CREB5: variants seen among roughly 807,000 people sequenced by gnomAD.
The protein encoded by CREB5 is cyclic AMP-responsive element-binding protein 5.
A neutral mutation model predicts 57.1 loss-of-function variants in CREB5; 19 were observed. That is an observed-to-expected ratio of 0.33 (90% CI 0.23 to 0.49). CREB5 has a LOEUF of 0.49. Ranked by LOEUF, CREB5 falls within the 20% of genes least tolerant of loss-of-function variation. CREB5 has a pLI of 0.99. For missense variants in CREB5, 579 were observed against 671.6 expected, an observed-to-expected ratio of 0.86 and a Z score of 1.52; for synonymous variants, 238 against 238.3, an observed-to-expected ratio of 1.00 and a Z score of 0.01.
intron 1 of CREB5, among the ~76,000 whole-genome samples, chr7:28,457,582 A>T (rs1790158448): frequency 6.6e-6 from 1 of 152,230 alleles, no homozygotes; most frequent in Admixed American, 6.5e-5. Context: ...GACAGTGGAC[A>T]ATTCCAGGGA....
chr7:28,524,361 G>A (rs1417926950), intron 4 of CREB5, among the ~76,000 whole-genome samples: 1 of 103,134 alleles, frequency 9.7e-6, no homozygotes, highest in African/African-American at 3.1e-5. Context: ...ACACACACAC[G>A]GCAGATGTGG....
intron 7 of CREB5, among the ~76,000 whole-genome samples, chr7:28,791,288 C>A (rs554658195): frequency 1.3e-4 from 20 of 152,320 alleles, no homozygotes; most frequent in African/African-American, 4.8e-4. Flanking sequence ...GGATCATGTA[C>A]GTTTTCTACC....
intron 5 of CREB5, among the ~76,000 whole-genome samples, chr7:28,617,405 T>C (rs1462442085): frequency 6.6e-6 from 1 of 152,218 alleles, no homozygotes; most frequent in Non-Finnish European, 1.5e-5. Flanking sequence ...GAATTATGGA[T>C]CCTACTTTCT....
intron 1 of CREB5, among the ~76,000 whole-genome samples, chr7:28,374,105 A>G (rs975913760): frequency 1.3e-5 from 2 of 152,182 alleles, no homozygotes; most frequent in African/African-American, 4.8e-5. Context: ...ATGGCAAATA[A>G]GCATATAAAA....
chr7:28,604,064 A>C (rs1163726979), intron 5 of CREB5, among the ~76,000 whole-genome samples: 2 of 152,140 alleles, frequency 1.3e-5, no homozygotes, highest in Non-Finnish European at 2.9e-5. Flanking sequence ...TGCATCTTCT[A>C]GTTTTTTCAA....
At chr7:28,314,626 G>A (rs999422243) in intron 1 of CREB5, among the ~76,000 whole-genome samples, 1 of 152,184 alleles carries the variant, frequency 6.6e-6, no homozygotes, top group Non-Finnish European at 1.5e-5. Flanking sequence ...AGACATGCCA[G>A]TATCATAGTT....
intron 1 of CREB5, among the ~76,000 whole-genome samples, chr7:28,331,797 C>T (rs895668599): frequency 3.5e-5 from 5 of 141,124 alleles, no homozygotes; most frequent in Non-Finnish European, 7.5e-5. Flanking sequence ...TGCAGTCAGG[C>T]GAGATTGTGC....
chr7:28,672,270 T>C (rs1800091177), intron 5 of CREB5, among the ~76,000 whole-genome samples: 1 of 152,042 alleles, frequency 6.6e-6, no homozygotes, highest in Non-Finnish European at 1.5e-5. Flanking sequence ...TCTGTGTTCT[T>C]GACCAAGTCA....
At chr7:28,411,194 T>C (rs1328807244), upstream of CREB5, among the ~76,000 whole-genome samples, 2 of 152,240 alleles carry the variant, frequency 1.3e-5, no homozygotes, top group East Asian at 1.9e-4. Flanking sequence ...GATAATACTC[T>C]GTCCTCGTGG....
intron 1 of CREB5, among the ~76,000 whole-genome samples, chr7:28,353,004 G>T (rs774237101): frequency 6.6e-6 from 1 of 152,204 alleles, no homozygotes; most frequent in Non-Finnish European, 1.5e-5. Context: ...TGAAGTGAAA[G>T]AAATGGGTAA....
intron 1 of CREB5, among the ~76,000 whole-genome samples, chr7:28,437,669 A>G (rs534034553): frequency 6.6e-6 from 1 of 152,172 alleles, no homozygotes; most frequent in Non-Finnish European, 1.5e-5. Context: ...ACTATAATCT[A>G]AATAAATGGA....
At chr7:28,583,062 G>C (rs181482956) in intron 5 of CREB5, among the ~76,000 whole-genome samples, 95 of 152,338 alleles carry the variant, frequency 6.2e-4, no homozygotes, top group Middle Eastern at 3.4e-3. Flanking sequence ...CATGAGGGGT[G>C]TGGAGATTGG....
chr7:28,788,401 G>C (rs1245100376), intron 7 of CREB5, among the ~76,000 whole-genome samples: 1 of 152,176 alleles, frequency 6.6e-6, no homozygotes, highest in Non-Finnish European at 1.5e-5. Flanking sequence ...GTTACCAACT[G>C]AAAACACTAG....
intron 5 of CREB5, among the ~76,000 whole-genome samples, chr7:28,697,486 C>T (rs750434834): frequency 7.1e-4 from 108 of 152,288 alleles, no homozygotes; most frequent in Admixed American, 1.8e-3. Flanking sequence ...TGGTCCATAT[C>T]TCCTCCCGTA....
intron 1 of CREB5, among the ~76,000 whole-genome samples, chr7:28,425,013 G>A (rs184084198): frequency 3.5e-4 from 53 of 152,220 alleles, no homozygotes; most frequent in Non-Finnish European, 6.5e-4. Flanking sequence ...TTAGGCTCAT[G>A]GGTACATGTG....
At chr7:28,761,368 A>G (rs1368502289) in intron 7 of CREB5, among the ~76,000 whole-genome samples, 1 of 152,150 alleles carries the variant, frequency 6.6e-6, no homozygotes, top group African/African-American at 2.4e-5. Flanking sequence ...TGTCGGAGTG[A>G]AGGTCTCAAG....
At chr7:28,560,249 A>C (rs1795026278) in intron 4 of CREB5, among the ~76,000 whole-genome samples, 1 of 152,194 alleles carries the variant, frequency 6.6e-6, no homozygotes, top group South Asian at 2.1e-4. Flanking sequence ...GGCCTGGGGC[A>C]TGTACAGGCA....
chr7:28,361,501 A>G (rs1393690735), intron 1 of CREB5, among the ~76,000 whole-genome samples: 1 of 152,228 alleles, frequency 6.6e-6, no homozygotes, highest in East Asian at 1.9e-4. Flanking sequence ...GGTGGTGGGC[A>G]TATGACCTGA....
intron 7 of CREB5, among the ~76,000 whole-genome samples, chr7:28,799,662 G>A (rs925730949): frequency 5.1e-4 from 78 of 152,178 alleles, no homozygotes; most frequent in African/African-American, 1.9e-3. Context: ...CTCCTACATA[G>A]ATTTTTTTAT....
Sources: allele counts gnomAD v4.1 joint callset (sites outside exome capture counted in the v4.1 genomes callset), GRCh38; gene constraint gnomAD v4.1.1; transcripts MANE v1.5; gene names NCBI Gene and HGNC (gene_info 2026-07-23, HGNC 2026-07-21).